Variants in HFM1 observed in about 807,000 individuals in gnomAD.
HFM1 encodes helicase for meiosis 1.
In HFM1, 169 loss-of-function variants were observed where a neutral mutation model predicts 192.1. That is an observed-to-expected ratio of 0.88 (90% CI 0.78 to 1.00). The LOEUF (loss-of-function observed/expected upper bound fraction) is 1.00, where lower values mean the gene tolerates loss of function less well. Among genes scored for constraint, HFM1 ranks in the 50% least tolerant of loss-of-function variants. The pLI is 0.00. For missense variants in HFM1, 1,661 were observed against 1,668.0 expected (o/e 1.00, Z 0.07); for synonymous variants, 525 against 537.8 (o/e 0.98, Z 0.33).
intron 4 of HFM1, among the ~76,000 whole-genome samples, chr1:91,390,243 C>G (rs9660466): frequency 0.25 from 38,360 of 152,026 alleles, 5,185 homozygotes; most frequent in East Asian, 0.53. Context: ...GAAGACCATC[C>G]TGGTCAACAT....
intron 20 of HFM1, chr1:91,328,920 T>C (rs1254600432): frequency 4.3e-6 from 7 of 1,611,408 alleles, no homozygotes; most frequent in Non-Finnish European, 5.9e-6. Context: ...ACCGAGGACA[T>C]GGACTGCTTC....
intron 20 of HFM1, 79 bp from the exon 21 acceptor site, chr1:91,324,845 T>A: frequency 1.3e-6 from 1 of 783,272 alleles, no homozygotes; most frequent in Non-Finnish European, 2.2e-6. Flanking sequence ...AAACATTTCC[T>A]GAGGGGAGGA....
chr1:91,266,185 C>T (rs2100694557), intron 35 of HFM1, 78 bp from the exon 36 acceptor site: 1 of 1,072,928 alleles, frequency 9.3e-7, no homozygotes, highest in Non-Finnish European at 1.4e-6. Flanking sequence ...CTACAACGTT[C>T]TCTCCAACAG....
chr1:91,381,149 T>C (rs1395813385), intron 6 of HFM1, among the ~76,000 whole-genome samples, 167 bp from the exon 7 acceptor site: 1 of 152,110 alleles, frequency 6.6e-6, no homozygotes, highest in African/African-American at 2.4e-5. Context: ...TATTCTAGTC[T>C]CCAGTCACAC....
Position 91,352,636 on chromosome 1 carries a change from A to G in HFM1, c.1847T>C (p.Leu616Ser). 1.9e-6 allele frequency: 3 copies of G among 1,606,454 alleles called. No homozygotes were observed. Among genetic ancestry groups the G allele is most frequent in the Non-Finnish European group, 1.7e-6 (2 of 1,176,338 alleles). The change falls in exon 16 of 39, where the codon TTA (leucine) becomes TCA (serine). Residue 616 changes from leucine (L) to serine (S), a missense_variant. Transcript: ENST00000370425. ...DLPVLFTTST[L>S]AMGVNLPAHL... ...AGCAGGCAAATTTACTCCCATAGCT[A>G]AAGTACTGGTAGTAACTGCATCAGA...
At chr1:91,350,708 TTAC>T in intron 18 of HFM1, 27 bp downstream of exon 18, 1 of 1,606,102 alleles carries the variant, frequency 6.2e-7, no homozygotes, top group Non-Finnish European at 8.5e-7. Context: ...CTTGAAAAAA[TTAC>T]TACTTTTCCA....
chr1:91,262,759 T>G (rs1665290230), intron 36 of HFM1, among the ~76,000 whole-genome samples, 167 bp from the exon 37 acceptor site: 1 of 152,156 alleles, frequency 6.6e-6, no homozygotes, highest in Non-Finnish European at 1.5e-5. Flanking sequence ...TTTCCTTTCC[T>G]TTAGACCAAA....
intron 28 of HFM1, among the ~76,000 whole-genome samples, chr1:91,314,370 C>T (rs11588502): frequency 0.2 from 29,953 of 152,100 alleles, 3,377 homozygotes; most frequent in Non-Finnish European, 0.26. Context: ...CTTCCTGCCT[C>T]GGTCTCCCGA....
rs149458366 is a variant in HFM1, at chr1:91,300,781, A to C, written c.3391+12568T>G. 2.3e-3 allele frequency among the ~76,000 whole-genome samples: 353 copies of C among 152,356 alleles called. 3 individuals are homozygous for C. The highest frequency in any genetic ancestry group is 6.7e-3 in the Admixed American group (103 of 15,296). On this transcript the variant is annotated intron_variant, in intron 30 of 38. Transcript: ENST00000370425. ...AATAAATTAGTTATTGATGGGACGT[A>C]TCTCAAAGTAATAAGAGCTATCTAT...
intron 20 of HFM1, among the ~76,000 whole-genome samples, chr1:91,334,585 A>C (rs1654304237): frequency 1.3e-5 from 2 of 152,118 alleles, no homozygotes; most frequent in Non-Finnish European, 2.9e-5. Flanking sequence ...TGTGGGTAGG[A>C]GTATGGGAGA....
chr1:91,372,734 TA>T (rs200470596), intron 13 of HFM1, among the ~76,000 whole-genome samples: 2 of 152,022 alleles, frequency 1.3e-5, no homozygotes, highest in African/African-American at 2.4e-5. Context: ...TAAAGTATAA[TA>T]AAAAAAAGAA....
intron 13 of HFM1, among the ~76,000 whole-genome samples, chr1:91,370,489 C>G (rs907828171): frequency 6.6e-6 from 1 of 152,106 alleles, no homozygotes; most frequent in Non-Finnish European, 1.5e-5. Flanking sequence ...AAGACAAAAA[C>G]CACATGATTA....
rs1480827990 is a variant in HFM1 at position 91,313,908 on chromosome 1, T to A, written c.3244+49A>T. ...CAGCATAAAGGATGTAATTTTTAAA[T>A]GCAATTATATTATTTATATTCATGT... On this transcript the variant is annotated intron_variant, in intron 29 of 38. Transcript: ENST00000370425. The A allele has an allele frequency of 4.0e-6, 4 of 1,000,166 alleles. No individual in the cohort carries two copies. In the African/African-American group the frequency reaches 4.9e-5, roughly 12 times the overall value. The allele number at this position is 1,000,166 out of a possible 1,614,324, so 62.0% of individuals were successfully genotyped here.
In HFM1 at chr1:91,385,682, G is replaced by T. The variant is rs1257559538; in HGVS notation, c.647C>A (p.Ser216Tyr). The T allele has an allele frequency of 6.2e-7, 1 of 1,612,234 alleles. No individual in the cohort carries two copies. Among genetic ancestry groups the T allele is most frequent in the East Asian group, 2.2e-5 (1 of 44,818 alleles). ...ATTATTTGCTGTAAACACATTTGCA[G>T]AATACTGAAATTTTTGCTTACTATT... ...YSNSKQKFQY[S>Y]ANVFTANNAF... The change falls in exon 5 of 39, where the codon TCT (serine) becomes TAT (tyrosine). Residue 216 changes from serine to tyrosine, a missense_variant. Ser to Tyr is a moderately radical substitution (Grantham distance 144). Coordinates refer to ENST00000370425, the MANE Select transcript of HFM1 (RefSeq NM_001017975.6).
intron 13 of HFM1, 123 bp downstream of exon 13, chr1:91,375,235 C>T (rs1660765835): frequency 1.6e-6 from 1 of 635,986 alleles, no homozygotes; most frequent in Non-Finnish European, 2.8e-6. Flanking sequence ...TATCATTATC[C>T]TTATTTTATA....
At chr1:91,394,506 C>T (rs761996123) in intron 3 of HFM1, 104 bp from the exon 4 acceptor site, 94 of 691,434 alleles carry the variant, frequency 1.4e-4, no homozygotes, top group Non-Finnish European at 2.1e-4. Context: ...AGTATGAAAG[C>T]CAAAAGCAAA....
At chr1:91,400,523 T>C (rs959066532) in intron 2 of HFM1, among the ~76,000 whole-genome samples, 3 of 151,586 alleles carry the variant, frequency 2.0e-5, no homozygotes, top group Non-Finnish European at 4.4e-5. Context: ...ACTCTGTTGC[T>C]CTGGCTGGAG....
rs558535584 is a variant in HFM1, at chr1:91,291,747, C to A, written c.3392-14685G>T. On this transcript the variant is annotated intron_variant, in intron 30 of 38. Transcript: ENST00000370425. Reference sequence around the variant, plus strand: ...TACCAAAGACGGGCAGAGACACAACCAAAAAAGAGAATTTTAGACCAATAT... The same window carrying A: ...TACCAAAGACGGGCAGAGACACAACAAAAAAAGAGAATTTTAGACCAATAT... Among the ~76,000 whole-genome samples, 29 of 151,560 alleles carry A rather than the reference C, an allele frequency of 1.9e-4. No individual in the cohort carries two copies. The East Asian group carries it at 2.1e-3, about 11-fold the overall frequency.
In HFM1 at chr1:91,288,349, G is replaced by T. The variant is rs545609852; in HGVS notation, c.3392-11287C>A. On this transcript the variant is annotated intron_variant, in intron 30 of 38. Transcript: ENST00000370425. ...ACTCTACAAGCCAGAAGAGAGTGGG[G>T]GCCAATATTCAACATTCTTTTTTTT... is the stretch of plus-strand genomic sequence containing the variant. Among the ~76,000 whole-genome samples, 349 of 151,340 alleles carry T rather than the reference G, an allele frequency of 2.3e-3. 1 individual carries two copies. The highest frequency in any genetic ancestry group is 8.0e-3 in the African/African-American group (328 of 41,256).
Sources: gnomAD v4.1 joint callset for allele counts (sites outside exome capture counted in the v4.1 genomes callset) on GRCh38, gnomAD v4.1.1 for gene constraint, MANE v1.5 for transcripts, NCBI Gene and HGNC (gene_info 2026-07-23, HGNC 2026-07-21) for gene names.